ZNF10: variants seen among roughly 807,000 people sequenced by gnomAD.
ZNF10 encodes zinc finger protein 10, also known as zinc finger protein 10 (KOX 1).
In ZNF10, 8 loss-of-function variants were observed where a neutral mutation model predicts 12.2. That is an observed-to-expected ratio of 0.66 (90% confidence interval 0.39 to 1.18). The LOEUF is 1.18. ZNF10 is among the 50% of genes most tolerant of loss of function. ZNF10 has a pLI of 0.01. For synonymous variants in ZNF10, 229 were observed against 228.2 expected (o/e 1.00, Z -0.03); for missense variants, 603 against 678.9 (o/e 0.89, Z 1.24).
rs34389733 is a variant in ZNF10, at chr12:133,134,182, G to A, written c.-60+3428G>A. 6.6e-3 allele frequency among the ~76,000 whole-genome samples: 1,004 copies of A among 151,528 alleles called. 4 individuals carry two copies. The highest frequency in any genetic ancestry group is 0.011 in the Non-Finnish European group (769 of 67,824). ...AAAAAAATTAGCTGAGTGTGGTGGTGGGCGCCTGTAATCCCAGCTATATGG... is the reference window on the plus strand; with the variant it reads ...AAAAAAATTAGCTGAGTGTGGTGGTAGGCGCCTGTAATCCCAGCTATATGG... On this transcript the variant is annotated intron_variant, in intron 1 of 4. Coordinates refer to ENST00000248211, the MANE Select transcript of ZNF10 (RefSeq NM_015394.5).
intron 4 of ZNF10, 45 bp downstream of exon 4, chr12:133,151,949 C>A: frequency 6.6e-7 from 1 of 1,509,452 alleles, no homozygotes; most frequent in Non-Finnish European, 9.2e-7. Context: ...CCCAGATGGG[C>A]TGTGAGGTGC....
intron 1 of ZNF10, among the ~76,000 whole-genome samples, chr12:133,142,605 A>G (rs1448056313): frequency 6.6e-6 from 1 of 152,198 alleles, no homozygotes; most frequent in Non-Finnish European, 1.5e-5. Flanking sequence ...TATGCTCAAC[A>G]TCATCACTCG....
At chr12:133,142,874 C>G (rs534317918) in intron 1 of ZNF10, among the ~76,000 whole-genome samples, 1 of 152,234 alleles carries the variant, frequency 6.6e-6, no homozygotes, top group Admixed American at 6.5e-5. Flanking sequence ...AATGTAGGAA[C>G]TCAAACAGAT....
At chr12:133,150,642 G>A (rs1956001783) in intron 2 of ZNF10, among the ~76,000 whole-genome samples, 1 of 151,800 alleles carries the variant, frequency 6.6e-6, no homozygotes, top group Admixed American at 6.6e-5. Flanking sequence ...ATAAAACATG[G>A]CTAGGGTGGT....
chr12:133,136,812 C>G (rs1164076069), intron 1 of ZNF10, among the ~76,000 whole-genome samples: 3 of 152,118 alleles, frequency 2.0e-5, no homozygotes, highest in Non-Finnish European at 2.9e-5. Context: ...ATCCTCCTCC[C>G]GAAAAGCTTG....
At chr12:133,142,890 T>C (rs931218539) in intron 1 of ZNF10, among the ~76,000 whole-genome samples, 12 of 152,326 alleles carry the variant, frequency 7.9e-5, no homozygotes, top group African/African-American at 2.6e-4. Flanking sequence ...CAGATACTTG[T>C]ATGCCAGTGC....
chr12:133,153,868 A>G (rs921547768), intron 4 of ZNF10, among the ~76,000 whole-genome samples: 6 of 152,152 alleles, frequency 3.9e-5, no homozygotes, highest in Non-Finnish European at 8.8e-5. Context: ...TATCTCTTCC[A>G]GGCTCTGCTG....
At chr12:133,141,012 G>C (rs1955941552) in intron 1 of ZNF10, among the ~76,000 whole-genome samples, 3 of 152,124 alleles carry the variant, frequency 2.0e-5, no homozygotes, top group Admixed American at 6.5e-5. Context: ...AACAGTATCT[G>C]TTGTTCACAT....
intron 2 of ZNF10, among the ~76,000 whole-genome samples, chr12:133,147,456 G>A (rs1245654146): frequency 6.6e-6 from 1 of 152,150 alleles, no homozygotes; most frequent in African/African-American, 2.4e-5. Flanking sequence ...AAGTGTCTTA[G>A]AGGTATCTCA....
At chr12:133,154,117 G>A (rs750118981) in intron 4 of ZNF10, among the ~76,000 whole-genome samples, 2 of 142,116 alleles carry the variant, frequency 1.4e-5, no homozygotes, top group Non-Finnish European at 1.5e-5. Context: ...CCTTTTTGTC[G>A]GCGGGGGGGA....
chr12:133,133,181 A>T (rs1034666966), intron 1 of ZNF10, among the ~76,000 whole-genome samples: 7 of 152,128 alleles, frequency 4.6e-5, no homozygotes, highest in African/African-American at 1.7e-4. Context: ...TATCTTTGCC[A>T]TGTCTATTGG....
At chr12:133,151,990 C>A in intron 4 of ZNF10, 86 bp downstream of exon 4, 2 of 1,001,622 alleles carry the variant, frequency 2.0e-6, no homozygotes, top group Non-Finnish European at 3.1e-6. Context: ...GTCACTGGCC[C>A]TCCTCACAGG....
chr12:133,155,464 ACT>A (rs1237364582), intron 4 of ZNF10, 37 bp from the exon 5 acceptor site: 3 of 1,541,520 alleles, frequency 1.9e-6, no homozygotes, highest in South Asian at 2.6e-5. Flanking sequence ...TCACCTTAAT[ACT>A]CTGTTTAGTT....
intron 1 of ZNF10, among the ~76,000 whole-genome samples, chr12:133,138,024 C>T (rs1416429105): frequency 6.9e-6 from 1 of 144,120 alleles, no homozygotes; most frequent in African/African-American, 2.7e-5. Flanking sequence ...GCTATACATT[C>T]ATTTGTACCA....
chr12:133,131,955 G>T (rs537459724), intron 1 of ZNF10, among the ~76,000 whole-genome samples: 8 of 152,068 alleles, frequency 5.3e-5, no homozygotes, highest in Non-Finnish European at 1.0e-4. Flanking sequence ...AATTATCCTT[G>T]TTAATTAATT....
intron 1 of ZNF10, among the ~76,000 whole-genome samples, chr12:133,139,671 A>G (rs1383988036): frequency 6.6e-6 from 1 of 152,168 alleles, no homozygotes; most frequent in Non-Finnish European, 1.5e-5. Context: ...CCACAGCAGT[A>G]GGAGTTGGTG....
At chr12:133,132,087 A>G (rs561171309) in intron 1 of ZNF10, among the ~76,000 whole-genome samples, 1 of 152,340 alleles carries the variant, frequency 6.6e-6, no homozygotes, top group East Asian at 1.9e-4. Context: ...GTTAGCACAT[A>G]CTTTTATTTT....
rs549474720 is a variant in ZNF10 at position 133,130,633 on chromosome 12, A to G, written c.-181A>G. 31 of 151,990 alleles carry G rather than the reference A, an allele frequency of 2.0e-4. No individual in the cohort carries two copies. The highest frequency in any genetic ancestry group is 7.5e-4 in the African/African-American group (31 of 41,398). The allele number at this position is 151,990 out of a possible 1,614,324, so 9.4% of individuals were successfully genotyped here. ...GCCGTGCCGAGCCGGCCTCAGACTC[A>G]CCTCTGACGCCGCTCTTCGCGCTCC... On this transcript the variant is annotated 5_prime_UTR_variant, in exon 1 of 5. Coordinates refer to ENST00000248211, the MANE Select transcript of ZNF10 (RefSeq NM_015394.5).
intron 1 of ZNF10, among the ~76,000 whole-genome samples, chr12:133,136,651 T>A (rs2135457522): frequency 6.6e-6 from 1 of 152,202 alleles, no homozygotes; most frequent in South Asian, 2.1e-4. Context: ...TACTGAATAT[T>A]ACTGTTTCTT....
Sources: gnomAD v4.1 joint callset for allele counts (sites outside exome capture counted in the v4.1 genomes callset) on GRCh38, gnomAD v4.1.1 for gene constraint, MANE v1.5 for transcripts, NCBI Gene and HGNC (gene_info 2026-07-23, HGNC 2026-07-21) for gene names.